DGKB: variants seen among roughly 807,000 people sequenced by gnomAD.
The protein encoded by DGKB is diacylglycerol kinase beta, also known as 90 kDa diacylglycerol kinase.
A neutral mutation model predicts 114.3 loss-of-function variants in DGKB; 67 were observed. The observed-to-expected ratio is 0.59, with a 90% CI of 0.48 to 0.72. The LOEUF (loss-of-function observed/expected upper bound fraction) is 0.72. Among genes scored for constraint, DGKB ranks in the 30% least tolerant of loss-of-function variants. The pLI is 0.00. For synonymous variants in DGKB, 398 were observed against 323.1 expected, an observed-to-expected ratio of 1.23 and a Z score of -2.49; for missense variants, 907 against 975.2, an observed-to-expected ratio of 0.93 and a Z score of 0.93.
At chr7:14,683,979 G>C (rs1821261966) in intron 10 of DGKB, among the ~76,000 whole-genome samples, 1 of 152,006 alleles carries the variant, frequency 6.6e-6, no homozygotes. Context: ...CTTGTTAACA[G>C]ACTGTACCAT....
At chr7:14,507,553 TCA>T (rs1787282236) in intron 20 of DGKB, among the ~76,000 whole-genome samples, 2 of 152,182 alleles carry the variant, frequency 1.3e-5, no homozygotes, top group African/African-American at 2.4e-5. Flanking sequence ...ACAGAAAATT[TCA>T]CAGTGTTCTC....
chr7:14,791,340 T>C (rs1840637874), intron 2 of DGKB, among the ~76,000 whole-genome samples: 1 of 152,226 alleles, frequency 6.6e-6, no homozygotes, highest in South Asian at 2.1e-4. Flanking sequence ...CTGGAGGTTT[T>C]CAAAATAATC....
At chr7:14,698,064 T>G (rs1209807580) in intron 8 of DGKB, 31 bp downstream of exon 8, 2 of 1,256,988 alleles carry the variant, frequency 1.6e-6, no homozygotes, top group Admixed American at 2.0e-5. Context: ...TTCCAGAATT[T>G]AGCCAATAGT....
chr7:14,394,208 C>T (rs1162376209), intron 21 of DGKB, among the ~76,000 whole-genome samples: 1 of 152,134 alleles, frequency 6.6e-6, no homozygotes, highest in Non-Finnish European at 1.5e-5. Context: ...CCACAACTTA[C>T]TTGGGAGATA....
At chr7:14,393,937 A>G (rs1821833748) in intron 21 of DGKB, among the ~76,000 whole-genome samples, 1 of 152,146 alleles carries the variant, frequency 6.6e-6, no homozygotes, top group Non-Finnish European at 1.5e-5. Flanking sequence ...CACAGATCCA[A>G]TCTGAGGGGA....
intron 21 of DGKB, among the ~76,000 whole-genome samples, chr7:14,423,952 A>G (rs196756): frequency 0.66 from 99,950 of 151,912 alleles, 33,613 homozygotes; most frequent in Middle Eastern, 0.74. Flanking sequence ...AGTAAAACTC[A>G]TTAATGTCAA....
At chr7:14,615,844 TG>T (rs1276152926) in intron 15 of DGKB, among the ~76,000 whole-genome samples, 2 of 151,708 alleles carry the variant, frequency 1.3e-5, no homozygotes, top group Non-Finnish European at 3.0e-5. Flanking sequence ...TTCCAGATTC[TG>T]GTTTTCAGAG....
intron 21 of DGKB, among the ~76,000 whole-genome samples, chr7:14,439,461 C>T (rs1829750718): frequency 6.6e-6 from 1 of 152,060 alleles, no homozygotes; most frequent in Non-Finnish European, 1.5e-5. Context: ...CCTGTATTGG[C>T]CTCCTTACTT....
intron 17 of DGKB, among the ~76,000 whole-genome samples, chr7:14,597,651 A>G (rs1054292987): frequency 6.6e-6 from 1 of 152,050 alleles, no homozygotes; most frequent in Non-Finnish European, 1.5e-5. Context: ...TAAATAGAAG[A>G]GGAGGGTATG....
chr7:14,543,292 A>G (rs1016764555), intron 20 of DGKB, among the ~76,000 whole-genome samples: 6 of 151,964 alleles, frequency 3.9e-5, no homozygotes, highest in Non-Finnish European at 7.4e-5. Context: ...AAAAATAGAA[A>G]AATTAGCCAG....
At chr7:14,257,275 C>A (rs955191676) in intron 23 of DGKB, among the ~76,000 whole-genome samples, 2 of 152,108 alleles carry the variant, frequency 1.3e-5, no homozygotes, top group African/African-American at 4.8e-5. Flanking sequence ...GTTACCTGAA[C>A]ACGAAATGCA....
At chr7:14,661,255 G>C (rs1285772167) in intron 13 of DGKB, among the ~76,000 whole-genome samples, 1 of 147,386 alleles carries the variant, frequency 6.8e-6, no homozygotes, top group Non-Finnish European at 1.5e-5. Flanking sequence ...GCTACCATCT[G>C]AGTGAACAGG....
At chr7:14,943,294 TTC>T (rs1587428040) in intron 1 of DGKB, among the ~76,000 whole-genome samples, 1 of 151,850 alleles carries the variant, frequency 6.6e-6, no homozygotes, top group Non-Finnish European at 1.5e-5. Context: ...ATCAATTAAT[TTC>T]TTTCTTGAAT....
intron 1 of DGKB, among the ~76,000 whole-genome samples, chr7:14,868,701 T>C (rs1454530821): frequency 1.3e-5 from 2 of 152,170 alleles, no homozygotes; most frequent in African/African-American, 4.8e-5. Flanking sequence ...CCTCAATTTC[T>C]CCAATTTTCC....
At chr7:14,958,289 C>T (rs1018992277) in intron 1 of DGKB, among the ~76,000 whole-genome samples, 3 of 151,962 alleles carry the variant, frequency 2.0e-5, no homozygotes, top group African/African-American at 7.2e-5. Flanking sequence ...AGGAAGGGCT[C>T]ATCCCTTGAG....
upstream of DGKB, among the ~76,000 whole-genome samples, chr7:14,904,284 G>A (rs560504517): frequency 1.1e-3 from 165 of 152,062 alleles, 1 homozygote; most frequent in Middle Eastern, 3.4e-3. Flanking sequence ...GCCTCCAGTT[G>A]TCTGAGCTAA....
intron 1 of DGKB, among the ~76,000 whole-genome samples, chr7:14,883,529 C>A (rs1854557374): frequency 6.6e-6 from 1 of 151,858 alleles, no homozygotes; most frequent in Admixed American, 6.6e-5. Flanking sequence ...CACATATATA[C>A]ATAGAGATAG....
Position 14,461,188 on chromosome 7 carries a change from G to C in DGKB, c.1835+16973C>G, listed in dbSNP as rs141450471. Reference sequence around the variant, plus strand: ...CAACACCCTAACATCACAATTAAAAGCACTGGAGCAGCAAGAGCAAACACA... The same window carrying C: ...CAACACCCTAACATCACAATTAAAACCACTGGAGCAGCAAGAGCAAACACA... On this transcript the variant is annotated intron_variant, in intron 21 of 25. Transcript: ENST00000402815. Among the ~76,000 whole-genome samples, 522 of 152,234 alleles carry C rather than the reference G, an allele frequency of 3.4e-3. 4 individuals are homozygous for C. Among genetic ancestry groups the C allele is most frequent in the African/African-American group, 0.012 (500 of 41,528 alleles).
chr7:14,633,185 G>A (rs555452141), intron 13 of DGKB, among the ~76,000 whole-genome samples: 4 of 151,990 alleles, frequency 2.6e-5, no homozygotes, highest in South Asian at 4.1e-4. Flanking sequence ...GAGGTTGGCA[G>A]AGAGGTGGTA....
Sources: allele counts gnomAD v4.1 joint callset (sites outside exome capture counted in the v4.1 genomes callset), GRCh38; gene constraint gnomAD v4.1.1; transcripts MANE v1.5; gene names NCBI Gene and HGNC (gene_info 2026-07-23, HGNC 2026-07-21).